Variants in ITPR2 observed in about 807,000 individuals in gnomAD.
The protein encoded by ITPR2 is inositol 1,4,5-trisphosphate-gated calcium channel ITPR2.
A neutral mutation model predicts 317.1 loss-of-function variants in ITPR2; 207 were observed. That is an observed-to-expected ratio of 0.65 (90% CI 0.58 to 0.73). The LOEUF (loss-of-function observed/expected upper bound fraction) is 0.73, where lower values mean the gene tolerates loss of function less well. Among genes scored for constraint, ITPR2 ranks in the 30% least tolerant of loss-of-function variants. The probability of loss-of-function intolerance (pLI) is 0.00; values close to 1 mark genes in which losing one functional copy is unlikely to be tolerated. For synonymous variants in ITPR2, 1,156 were observed against 1,149.1 expected, an observed-to-expected ratio of 1.01 and a Z score of -0.12; for missense variants, 2,613 against 3,284.0, an observed-to-expected ratio of 0.80 and a Z score of 4.99.
At chr12:26,362,081 C>A (rs1938847807) in intron 55 of ITPR2, among the ~76,000 whole-genome samples, 1 of 152,134 alleles carries the variant, frequency 6.6e-6, no homozygotes, top group Admixed American at 6.5e-5. Flanking sequence ...TTGTGATATG[C>A]CCAGCTTGCA....
chr12:26,392,595 G>A lies in ITPR2; in HGVS notation c.7697-5001C>T, dbSNP rs187521261. On this transcript the variant is annotated intron_variant, in intron 54 of 56. Coordinates refer to ENST00000381340, the MANE Select transcript of ITPR2 (RefSeq NM_002223.4). ...GCAGTGTCTGGAGAACAGTAGGCATGCAACTAAATTTGACAGAATAATTAA... is the reference window on the plus strand; with the variant it reads ...GCAGTGTCTGGAGAACAGTAGGCATACAACTAAATTTGACAGAATAATTAA... 3.5e-3 allele frequency among the ~76,000 whole-genome samples: 527 copies of A among 152,300 alleles called. 8 individuals are homozygous for A. Among genetic ancestry groups the A allele is most frequent in the African/African-American group, 0.012 (507 of 41,562 alleles).
intron 2 of ITPR2, among the ~76,000 whole-genome samples, chr12:26,762,590 G>A (rs892333725): frequency 6.6e-6 from 1 of 152,142 alleles, no homozygotes; most frequent in Non-Finnish European, 1.5e-5. Context: ...AAGTTGAAGT[G>A]AAAGGACACT....
At chr12:26,776,709 G>A (rs1949977597) in intron 2 of ITPR2, among the ~76,000 whole-genome samples, 2 of 152,198 alleles carry the variant, frequency 1.3e-5, no homozygotes, top group South Asian at 4.1e-4. Flanking sequence ...CCCAACTCAT[G>A]TTGCCATCAA....
intron 37 of ITPR2, among the ~76,000 whole-genome samples, chr12:26,536,579 G>T (rs1944097426): frequency 6.6e-6 from 1 of 150,704 alleles, no homozygotes; most frequent in Non-Finnish European, 1.5e-5. Context: ...AGAGCATTGG[G>T]ATGCCTGAAT....
chr12:26,605,136 T>TATAG (rs1946102948), intron 26 of ITPR2, among the ~76,000 whole-genome samples: 1 of 144,986 alleles, frequency 6.9e-6, no homozygotes, highest in African/African-American at 2.5e-5. Context: ...AATATATATA[T>TATAG]ATATATGAGA....
intron 21 of ITPR2, among the ~76,000 whole-genome samples, chr12:26,637,368 CT>C (rs1946886589): frequency 6.6e-6 from 1 of 152,014 alleles, no homozygotes; most frequent in Non-Finnish European, 1.5e-5. Flanking sequence ...CACAAAATTG[CT>C]TAGGAATTTT....
chr12:26,665,484 A>G (rs1947604970), intron 14 of ITPR2, among the ~76,000 whole-genome samples: 1 of 152,226 alleles, frequency 6.6e-6, no homozygotes, highest in African/African-American at 2.4e-5. Flanking sequence ...AGAACACAGT[A>G]GAACTGATGT....
chr12:26,494,224 T>C lies in ITPR2; in HGVS notation c.5299A>G (p.Asn1767Asp). ...ATGCCTTCTGAAAAAATTCTGTCATTTTTGGTGTTCACTATAACATCGATG... is the reference window on the plus strand; with the variant it reads ...ATGCCTTCTGAAAAAATTCTGTCATCTTTGGTGTTCACTATAACATCGATG... ...LVIDVIVNTK[N>D]DRIFSEGIFL... Residue 1767 changes from asparagine (N) to aspartate (D), a missense_variant, in exon 39 of 57, where the codon AAT becomes GAT. Around this residue, in one of 9 missense-constraint regions of ITPR2, gnomAD observed 926 missense variants for 1,072.8 expected, o/e 0.86. Transcript: ENST00000381340. 1 of 1,613,418 alleles carries C rather than the reference T, an allele frequency of 6.2e-7. No individual in the cohort carries two copies. The highest frequency in any genetic ancestry group is 8.5e-7 in the Non-Finnish European group (1 of 1,179,714).
At chr12:26,755,748 G>T (rs1949510202) in intron 2 of ITPR2, among the ~76,000 whole-genome samples, 1 of 152,206 alleles carries the variant, frequency 6.6e-6, no homozygotes, top group Admixed American at 6.5e-5. Flanking sequence ...TGACTGGAAT[G>T]GTGTGCTTTC....
intron 55 of ITPR2, among the ~76,000 whole-genome samples, chr12:26,346,600 G>C (rs1410147276): frequency 1.3e-5 from 2 of 151,122 alleles, no homozygotes; most frequent in East Asian, 3.9e-4. Context: ...CTGCAGCCTG[G>C]GCTACAAGAG....
At chr12:26,616,901 G>C (rs1946385209) in intron 26 of ITPR2, among the ~76,000 whole-genome samples, 1 of 151,932 alleles carries the variant, frequency 6.6e-6, no homozygotes, top group Admixed American at 6.5e-5. Context: ...CCATTTAATA[G>C]AGAGTAAATA....
At chr12:26,361,430 C>G (rs2136579328) in intron 55 of ITPR2, among the ~76,000 whole-genome samples, 1 of 152,272 alleles carries the variant, frequency 6.6e-6, no homozygotes, top group South Asian at 2.1e-4. Context: ...ACCCTCCACC[C>G]CACCCCATTG....
intron 37 of ITPR2, among the ~76,000 whole-genome samples, chr12:26,540,238 A>G (rs1437436490): frequency 6.6e-6 from 1 of 152,196 alleles, no homozygotes; most frequent in Non-Finnish European, 1.5e-5. Context: ...TTCATAAGGC[A>G]TGATATGAAA....
chr12:26,510,377 A>G (rs528485901), intron 37 of ITPR2, among the ~76,000 whole-genome samples: 5 of 151,974 alleles, frequency 3.3e-5, no homozygotes, highest in African/African-American at 1.2e-4. Flanking sequence ...AGAATTAAAC[A>G]TAATAAAGGA....
At chr12:26,525,038 G>T (rs1055515419) in intron 37 of ITPR2, among the ~76,000 whole-genome samples, 4 of 152,196 alleles carry the variant, frequency 2.6e-5, no homozygotes, top group Non-Finnish European at 5.9e-5. Context: ...TAAGTCATTG[G>T]TGAGAGGATG....
chr12:26,818,214 T>C (rs773901466), intron 1 of ITPR2, among the ~76,000 whole-genome samples: 6 of 152,234 alleles, frequency 3.9e-5, no homozygotes, highest in Non-Finnish European at 7.3e-5. Context: ...ATAGAATCAC[T>C]TCATGGGTAT....
At chr12:26,645,088 CT>C in intron 21 of ITPR2, among the ~76,000 whole-genome samples, 1 of 152,310 alleles carries the variant, frequency 6.6e-6, no homozygotes, top group South Asian at 2.1e-4. Context: ...CTTTCTCAAT[CT>C]TGCTTTCCCT....
At chr12:26,670,198 G>A (rs1455949063) in intron 13 of ITPR2, among the ~76,000 whole-genome samples, 2 of 152,200 alleles carry the variant, frequency 1.3e-5, no homozygotes, top group Non-Finnish European at 2.9e-5. Context: ...GAGAGCATTG[G>A]TTCTCCCAGC....
rs960155634 is a variant in ITPR2 at position 26,486,808 on chromosome 12, A to G, written c.5554+260T>C. On this transcript the variant is annotated intron_variant, in intron 40 of 56. Transcript: ENST00000381340. The stretch of plus-strand genomic sequence containing the variant: ...GTCACTTAAAAGATTTGGGGCAGTT[A>G]CTATTTACCATGCATGCCACAATGA... 3 of 633,800 alleles carry G rather than the reference A, an allele frequency of 4.7e-6. No homozygotes were observed. The East Asian group carries it at 9.7e-5, about 21-fold the overall frequency. 39.3% of individuals were successfully genotyped at this position (633,800 alleles called of 1,614,324 possible). A position where few individuals can be genotyped will look rare whatever the true frequency, so the allele number is the denominator to read the frequency against.
Sources: allele counts gnomAD v4.1 joint callset (sites outside exome capture counted in the v4.1 genomes callset), GRCh38; gene constraint gnomAD v4.1.1; regional missense constraint gnomAD v4.1.1; transcripts MANE v1.5; gene names NCBI Gene and HGNC (gene_info 2026-07-23, HGNC 2026-07-21).